ZSCAN18: variants seen among roughly 807,000 people sequenced by gnomAD.
The protein encoded by ZSCAN18 is zinc finger and SCAN domain-containing protein 18.
In ZSCAN18, 16 loss-of-function variants were observed where a neutral mutation model predicts 31.1. The observed-to-expected ratio is 0.51, with a 90% confidence interval of 0.35 to 0.78. The LOEUF is 0.78. ZSCAN18 is among the 30% of genes least tolerant of loss of function. The pLI is 0.01. For synonymous variants in ZSCAN18, 375 were observed against 320.7 expected (o/e 1.17, Z -1.81); for missense variants, 731 against 697.4 (o/e 1.05, Z -0.54).
At chr19:58,118,424 T>A, upstream of ZSCAN18, 1 of 1,469,452 alleles carries the variant, frequency 6.8e-7, no homozygotes, top group Non-Finnish European at 9.1e-7. Context: ...GGATGCGATA[T>A]TCCGGTGACA....
chr19:58,107,854 G>A, intron 1 of ZSCAN18: 1 of 1,041,058 alleles, frequency 9.6e-7, no homozygotes, highest in Non-Finnish European at 1.2e-6. Context: ...AAGGTCGCCT[G>A]AGCATGTACC....
In ZSCAN18 at chr19:58,084,511, C is replaced by T. The variant is rs561977964; in HGVS notation, c.*174G>A. 5 of 627,390 alleles carry T rather than the reference C, an allele frequency of 8.0e-6. No individual in the cohort carries two copies. Among genetic ancestry groups the T allele is most frequent in the Admixed American group, 3.7e-5 (1 of 27,182 alleles). The allele number at this position is 627,390 out of a possible 1,614,324, so 38.9% of individuals were successfully genotyped here. A position where few individuals can be genotyped will look rare whatever the true frequency, so the allele number is the denominator to read the frequency against. ...TGTGTTTACAGAGGTGAGGGCTTCC[C>T]GTGGACCCTTCTCGTTGGGAGCGCT... is the stretch of plus-strand genomic sequence containing the variant. On this transcript the variant is annotated 3_prime_UTR_variant, in exon 7 of 7. Coordinates refer to ENST00000601144, the MANE Select transcript of ZSCAN18 (RefSeq NM_001145543.2). The surrounding 1 kb of genome is among the most constrained non-coding windows in gnomAD (Gnocchi z 4.5).
intron 1 of ZSCAN18, among the ~76,000 whole-genome samples, chr19:58,105,757 A>G (rs1217189528): frequency 1.8e-4 from 27 of 152,150 alleles, no homozygotes. Context: ...AAGCAGGTGG[A>G]TTACTTGAGC....
At chr19:58,103,681 T>C (rs1034036724) in intron 1 of ZSCAN18, among the ~76,000 whole-genome samples, 1 of 152,170 alleles carries the variant, frequency 6.6e-6, no homozygotes, top group Non-Finnish European at 1.5e-5. Context: ...CAAAACAATA[T>C]TGAACTTAGG....
At chr19:58,107,132 T>C (rs1300157681) in intron 1 of ZSCAN18, among the ~76,000 whole-genome samples, 1 of 152,174 alleles carries the variant, frequency 6.6e-6, no homozygotes, top group Non-Finnish European at 1.5e-5. Context: ...GGCTGCAGAA[T>C]ACATGTTGTG....
At chr19:58,113,602 T>C (rs923654439) in intron 1 of ZSCAN18, among the ~76,000 whole-genome samples, 2 of 152,148 alleles carry the variant, frequency 1.3e-5, no homozygotes, top group African/African-American at 2.4e-5. Context: ...AGTTTCCAGC[T>C]TGACTTTTCT....
chr19:58,102,885 A>G (rs12975900), upstream of ZSCAN18, among the ~76,000 whole-genome samples: 84,320 of 151,986 alleles, frequency 0.55, 25,512 homozygotes, highest in Non-Finnish European at 0.68. Flanking sequence ...TAATCTCAGC[A>G]CTTTGGGAGG....
At position 58,113,558 on chromosome 19, in the gene ZSCAN18, A is replaced by G. The variant is rs146724410; in HGVS notation, c.130+4709T>C. On this transcript the variant is annotated intron_variant, in intron 1 of 1. Coordinates refer to the ZSCAN18 transcript ENST00000595721. ...TAGCATTTCATCTTGTAGCCACCTT[A>G]TTTAGGAACAGGGGAGGCAGGTTTG... 2.0e-5 allele frequency among the ~76,000 whole-genome samples: 3 copies of G among 152,240 alleles called. No individual in the cohort carries two copies. In the East Asian group the frequency reaches 5.8e-4, roughly 29 times the overall value.
intron 6 of ZSCAN18, 33 bp from the exon 7 acceptor site, chr19:58,085,412 C>G (rs776812317): frequency 2.0e-6 from 3 of 1,528,648 alleles, no homozygotes; most frequent in Non-Finnish European, 2.6e-6. Flanking sequence ...GCGTGAGCGC[C>G]CCGCCCAGGG....
chr19:58,085,287 C>A lies in ZSCAN18; in HGVS notation c.931G>T (p.Gly311Trp). The A allele has an allele frequency of 6.2e-7, 1 of 1,600,434 alleles. No homozygotes were observed. ...GACGGGGGATCGGCAAGGGCGTCCC[C>A]AGGGGGCGCCTCCGTAGGCAGCTCA... The part of the protein sequence containing the change: ...LPELPTEAPP[G>W]DALADPPSGT... Residue 311 changes from glycine (G) to tryptophan (W), a missense_variant, in exon 7 of 7, where the codon GGG becomes TGG. This residue lies in a region of ZSCAN18 where 597 missense variants were observed against 499.5 expected (regional missense o/e 1.20). Transcript: ENST00000601144.
chr19:58,107,832 A>G (rs2074647523), intron 1 of ZSCAN18: 1 of 1,011,036 alleles, frequency 9.9e-7, no homozygotes, highest in Middle Eastern at 4.9e-4. Flanking sequence ...CCCACACTAG[A>G]CACACTGGCA....
At chr19:58,101,475 T>C (rs1466807328), upstream of ZSCAN18, among the ~76,000 whole-genome samples, 1 of 150,084 alleles carries the variant, frequency 6.7e-6, no homozygotes, top group African/African-American at 2.4e-5. Flanking sequence ...AAAGTTATTT[T>C]AACTATTCCA....
At position 58,088,679 on chromosome 19, in the gene ZSCAN18, G is replaced by A. The variant is rs1337687049; in HGVS notation, c.553+9C>T. Reference sequence around the variant, plus strand: ...CCAGCAGAGGCTGCCAGGCTAGCTGGGCACTCACGTGTCTCAGAAGGTGCC... The same window carrying A: ...CCAGCAGAGGCTGCCAGGCTAGCTGAGCACTCACGTGTCTCAGAAGGTGCC... On this transcript the variant is annotated intron_variant, in intron 3 of 6. Coordinates refer to ENST00000601144, the MANE Select transcript of ZSCAN18 (RefSeq NM_001145543.2). The A allele has an allele frequency of 1.2e-6, 2 of 1,606,358 alleles. No individual in the cohort carries two copies. Among genetic ancestry groups the A allele is most frequent in the African/African-American group, 1.3e-5 (1 of 75,040 alleles).
Position 58,085,136 on chromosome 19 carries a change from T to C in ZSCAN18, c.1082A>G (p.Asp361Gly). The C allele has an allele frequency of 6.2e-7, 1 of 1,610,348 alleles. No homozygotes were observed. Among genetic ancestry groups the C allele is most frequent in the Non-Finnish European group, 8.5e-7 (1 of 1,178,758 alleles). ...RQSVIQQPAP[D>G]RGTAKLGTKR... ...GGTTCCCAGTTTCGCCGTGCCCCTG[T>C]CCGGGGCAGGCTGCTGGATGACGGA... Residue 361 changes from aspartate (D) to glycine (G), a missense_variant, in exon 7 of 7, where the codon GAC (aspartate) becomes GGC (glycine). By Grantham distance (94) the Asp-to-Gly change is moderately conservative. Coordinates refer to ENST00000601144, the MANE Select transcript of ZSCAN18 (RefSeq NM_001145543.2).
rs1306617757 is a variant in ZSCAN18 at position 58,083,992 on chromosome 19, C to T, written c.*693G>A. 6.6e-6 allele frequency: 1 copy of T among 152,202 alleles called. No individual in the cohort carries two copies. Among genetic ancestry groups the T allele is most frequent in the Non-Finnish European group, 1.5e-5 (1 of 68,028 alleles). The allele number at this position is 152,202 out of a possible 1,614,324, so 9.4% of individuals were successfully genotyped here. On this transcript the variant is annotated 3_prime_UTR_variant, in exon 7 of 7. Coordinates refer to ENST00000601144, the MANE Select transcript of ZSCAN18 (RefSeq NM_001145543.2). The stretch of plus-strand genomic sequence containing the variant: ...TGTATGGGTGAAAAGTTTCACAAAA[C>T]AGTATTTGCCTTTACTACATGATGC...
chr19:58,106,918 G>A (rs538182253), intron 1 of ZSCAN18, among the ~76,000 whole-genome samples: 13 of 148,444 alleles, frequency 8.8e-5, no homozygotes, highest in Non-Finnish European at 1.8e-4. Flanking sequence ...GCACCATCAC[G>A]CCTGGCTAAT....
At chr19:58,112,389 G>C (rs955631212) in intron 1 of ZSCAN18, among the ~76,000 whole-genome samples, 1 of 152,148 alleles carries the variant, frequency 6.6e-6, no homozygotes. Flanking sequence ...GGTGGCTCAC[G>C]CCTGTAATCT....
chr19:58,087,207 C>G, intron 4 of ZSCAN18, 109 bp downstream of exon 4: 1 of 1,241,252 alleles, frequency 8.1e-7, no homozygotes, highest in Non-Finnish European at 1.1e-6. Context: ...TGGGCCTCAG[C>G]GCTGTGGACG....
At chr19:58,085,856 C>T (rs549009870) in intron 6 of ZSCAN18, 1 of 374,432 alleles carries the variant, frequency 2.7e-6, no homozygotes, top group Non-Finnish European at 4.9e-6. Context: ...AAGTCCGCCT[C>T]TAGGTGTTCT....
Sources: allele counts gnomAD v4.1 joint callset (sites outside exome capture counted in the v4.1 genomes callset), GRCh38; gene constraint gnomAD v4.1.1; regional missense constraint gnomAD v4.1.1; non-coding constraint Gnocchi (gnomAD v3.1); transcripts MANE v1.5; gene names NCBI Gene and HGNC (gene_info 2026-07-23, HGNC 2026-07-21).